Variants in VWA3B observed in about 807,000 individuals in gnomAD.
VWA3B encodes the protein von Willebrand factor A domain containing 3B, also known as von Willebrand factor A domain-containing protein 3B.
In VWA3B, 138 loss-of-function variants were observed where a neutral mutation model predicts 158.3. The observed-to-expected ratio is 0.87, with a 90% CI of 0.76 to 1.00. The LOEUF is 1.00. VWA3B is among the 50% of genes least tolerant of loss of function. The probability of loss-of-function intolerance (pLI) is 0.00; values close to 1 mark genes in which losing one functional copy is unlikely to be tolerated. For missense variants in VWA3B, 1,555 were observed against 1,565.1 expected (o/e 0.99, Z 0.11); for synonymous variants, 596 against 587.3 (o/e 1.01, Z -0.21).
chr2:98,174,360 G>C (rs1679835128), intron 8 of VWA3B, among the ~76,000 whole-genome samples: 1 of 152,152 alleles, frequency 6.6e-6, no homozygotes, highest in Non-Finnish European at 1.5e-5. Flanking sequence ...GGGCAGGATG[G>C]GGTTGGAGTT....
At chr2:98,296,504 A>G (rs1558771445) in intron 23 of VWA3B, among the ~76,000 whole-genome samples, 1 of 152,224 alleles carries the variant, frequency 6.6e-6, no homozygotes, top group Non-Finnish European at 1.5e-5. Flanking sequence ...TTGAGTGTGC[A>G]TATTTTTCAA....
intron 21 of VWA3B, among the ~76,000 whole-genome samples, chr2:98,257,149 G>A (rs1479779482): frequency 1.3e-5 from 2 of 151,750 alleles, no homozygotes; most frequent in Admixed American, 6.6e-5. Context: ...TCTATTTTCT[G>A]CCTCCATAAG....
At chr2:98,277,153 C>T (rs1688576290) in intron 22 of VWA3B, among the ~76,000 whole-genome samples, 2 of 152,216 alleles carry the variant, frequency 1.3e-5, no homozygotes, top group South Asian at 2.1e-4. Flanking sequence ...TGTCCATAAT[C>T]CACAGGCTTC....
At chr2:98,131,276 G>A (rs915234888) in intron 6 of VWA3B, among the ~76,000 whole-genome samples, 2 of 152,206 alleles carry the variant, frequency 1.3e-5, no homozygotes, top group African/African-American at 4.8e-5. Context: ...TGCTGCAAAT[G>A]ACGGCATTTC....
chr2:98,193,530 T>C (rs1332773749), intron 11 of VWA3B, among the ~76,000 whole-genome samples: 1 of 152,090 alleles, frequency 6.6e-6, no homozygotes, highest in Non-Finnish European at 1.5e-5. Context: ...GTAATGTGAG[T>C]TTGTAGTATT....
At chr2:98,175,642 GAA>G (rs2105320300) in intron 8 of VWA3B, among the ~76,000 whole-genome samples, 1 of 152,252 alleles carries the variant, frequency 6.6e-6, no homozygotes, top group South Asian at 2.1e-4. Context: ...GGGAGAGAGA[GAA>G]AGAATATTTG....
intron 22 of VWA3B, among the ~76,000 whole-genome samples, chr2:98,284,525 C>T (rs1689056317): frequency 6.6e-6 from 1 of 152,188 alleles, no homozygotes; most frequent in Non-Finnish European, 1.5e-5. Context: ...AAATTAGAGA[C>T]TTTCTTAAGA....
chr2:98,130,071 T>A (rs1422615578), intron 6 of VWA3B, among the ~76,000 whole-genome samples: 1 of 152,166 alleles, frequency 6.6e-6, no homozygotes, highest in African/African-American at 2.4e-5. Flanking sequence ...TTGATCATTA[T>A]CGGGTGTGGC....
At chr2:98,123,389 G>A (rs1171815344) in intron 5 of VWA3B, among the ~76,000 whole-genome samples, 2 of 152,210 alleles carry the variant, frequency 1.3e-5, no homozygotes, top group African/African-American at 4.8e-5. Context: ...AAGCCCACAT[G>A]AGGAGTAGGG....
intron 9 of VWA3B, 102 bp downstream of exon 9, chr2:98,181,314 G>C: frequency 7.8e-7 from 1 of 1,285,098 alleles, no homozygotes; most frequent in Non-Finnish European, 1.1e-6. Context: ...GCAGCAGGGA[G>C]AGAAACCAGC....
At chr2:98,106,786 G>T (rs935453265) in intron 2 of VWA3B, among the ~76,000 whole-genome samples, 2 of 152,256 alleles carry the variant, frequency 1.3e-5, no homozygotes, top group African/African-American at 2.4e-5. Flanking sequence ...TTTCTAGGTA[G>T]ACTATCATGC....
At chr2:98,166,560 C>T (rs1679090663) in intron 8 of VWA3B, among the ~76,000 whole-genome samples, 1 of 152,144 alleles carries the variant, frequency 6.6e-6, no homozygotes, top group African/African-American at 2.4e-5. Context: ...GCGTTGCTGG[C>T]ACCTTCATCC....
chr2:98,315,163 G>A (rs1691062577), downstream of VWA3B, among the ~76,000 whole-genome samples: 1 of 152,130 alleles, frequency 6.6e-6, no homozygotes, highest in Non-Finnish European at 1.5e-5. Flanking sequence ...GTACATTAAT[G>A]CATTTTCATA....
chr2:98,128,399 C>T lies in VWA3B; in HGVS notation c.863C>T (p.Thr288Ile). 1.9e-6 allele frequency: 3 copies of T among 1,612,782 alleles called. No individual in the cohort carries two copies. Among genetic ancestry groups the T allele is most frequent in the South Asian group, 1.1e-5 (1 of 91,018 alleles). ...TTTCTAAAGGATCTGAGTGCCAAGA[C>T]CCACAGCAGGTAGGCAGAAAATGTG... ...IAFLKDLSAK[T>I]HSRFHAFAER... Residue 288 changes from threonine to isoleucine, a missense_variant, in exon 6 of 28, where the codon ACC (threonine) becomes ATC (isoleucine). Thr to Ile is a moderately conservative substitution (Grantham distance 89). Transcript: ENST00000477737.
intron 21 of VWA3B, among the ~76,000 whole-genome samples, chr2:98,265,883 ATGGGGTTGTT>A (rs1207283384): frequency 1.8e-5 from 2 of 112,772 alleles, no homozygotes; most frequent in East Asian, 4.7e-4. Flanking sequence ...CCACTTTTTG[ATGGGGTTGTT>A]TGTTTTTTTC....
At chr2:98,119,399 T>C (rs1477162939) in intron 3 of VWA3B, 114 bp from the exon 4 acceptor site, 1 of 1,200,734 alleles carries the variant, frequency 8.3e-7, no homozygotes, top group African/African-American at 1.5e-5. Context: ...TCTGTAGTGT[T>C]TGGAGGGTCA....
At chr2:98,327,233 C>T in the VWA3B span, among the ~76,000 whole-genome samples, 1 of 152,020 alleles carries the variant, frequency 6.6e-6, no homozygotes, top group Non-Finnish European at 1.5e-5. Context: ...GTTGAGGCTG[C>T]AGTGAGCCAA....
the VWA3B span, among the ~76,000 whole-genome samples, chr2:98,324,026 A>G: frequency 6.6e-6 from 1 of 152,236 alleles, no homozygotes; most frequent in African/African-American, 2.4e-5. Context: ...GAAGACTTAC[A>G]GTCTTTCTGG....
chr2:98,298,425 T>TTCTAC (rs1689962629), intron 24 of VWA3B, among the ~76,000 whole-genome samples: 1 of 151,126 alleles, frequency 6.6e-6, no homozygotes, highest in Non-Finnish European at 1.5e-5. Context: ...TTCTATTCTA[T>TTCTAC]TCTATTCTAT....
Sources: gnomAD v4.1 joint callset for allele counts (sites outside exome capture counted in the v4.1 genomes callset) on GRCh38, gnomAD v4.1.1 for gene constraint, MANE v1.5 for transcripts, NCBI Gene and HGNC (gene_info 2026-07-23, HGNC 2026-07-21) for gene names.